Variants in PTGFRN observed in about 807,000 individuals in gnomAD.
The protein encoded by PTGFRN is prostaglandin F2 receptor inhibitor, also known as prostaglandin F2 receptor negative regulator.
In PTGFRN, 35 loss-of-function variants were observed where a neutral mutation model predicts 83.2. The ratio of observed to expected loss-of-function variants is 0.42; its 90% CI spans 0.32 to 0.56. The LOEUF (loss-of-function observed/expected upper bound fraction) is 0.56, where lower values mean the gene tolerates loss of function less well. Among genes scored for constraint, PTGFRN ranks in the 20% least tolerant of loss-of-function variants. PTGFRN has a pLI of 0.11. For missense variants in PTGFRN, 1,051 were observed against 1,179.5 expected, an observed-to-expected ratio of 0.89 and a Z score of 1.60; for synonymous variants, 519 against 498.6, an observed-to-expected ratio of 1.04 and a Z score of -0.55.
chr1:116,981,538 G>A (rs979934307), intron 7 of PTGFRN, among the ~76,000 whole-genome samples: 2 of 152,222 alleles, frequency 1.3e-5, no homozygotes, highest in East Asian at 3.8e-4. Context: ...CCTGAGCAGG[G>A]GACTGGGTAA....
In PTGFRN at chr1:116,990,232, C is replaced by T. The variant is rs1410772340; in HGVS notation, c.*3265C>T. ...AATTTTCCGTAGACAAAGAAAGGAT[C>T]TTGTGTATTTTTGTCCATATCCAAT... On this transcript the variant is annotated 3_prime_UTR_variant, in exon 9 of 9. Coordinates refer to ENST00000393203, the MANE Select transcript of PTGFRN (RefSeq NM_020440.4). 1.3e-5 allele frequency: 2 copies of T among 152,564 alleles called. No homozygotes were observed. Among genetic ancestry groups the T allele is most frequent in the Non-Finnish European group, 2.9e-5 (2 of 68,026 alleles). 9.5% of individuals were successfully genotyped at this position (152,564 alleles called of 1,614,324 possible).
chr1:116,913,166 A>G (rs1649316426), intron 1 of PTGFRN, among the ~76,000 whole-genome samples: 1 of 152,228 alleles, frequency 6.6e-6, no homozygotes, highest in Non-Finnish European at 1.5e-5. Flanking sequence ...ACTGAATGAA[A>G]TACCTGACAT....
intron 3 of PTGFRN, among the ~76,000 whole-genome samples, chr1:116,945,602 C>G (rs1650176927): frequency 6.6e-6 from 1 of 152,112 alleles, no homozygotes; most frequent in Non-Finnish European, 1.5e-5. Context: ...CCTTTCGGTC[C>G]CCTCAGATGT....
chr1:116,976,986 G>A (rs1461341902), intron 7 of PTGFRN, among the ~76,000 whole-genome samples: 4 of 152,216 alleles, frequency 2.6e-5, no homozygotes, highest in East Asian at 3.9e-4. Context: ...CCCATCTCGC[G>A]TGCAGAGACA....
In PTGFRN at chr1:116,984,748, C is replaced by T. The variant is rs1186161518; in HGVS notation, c.2236C>T (p.Leu746=). 4 of 1,614,172 alleles carry T rather than the reference C, an allele frequency of 2.5e-6. No homozygotes were observed. The highest frequency in any genetic ancestry group is 3.4e-6 in the Non-Finnish European group (4 of 1,180,044). ...SFGLDKAPVL[L]SSLDRKGIVT... is the part of the protein sequence containing the mutation. ...TGGCCTGGACAAGGCTCCTGTGCTC[C>T]TGTCTTCCCTGGATCGGAAGGGCAT... is the stretch of plus-strand genomic sequence containing the variant. Residue 746 remains leucine (L), a synonymous_variant, in exon 8 of 9, where the codon CTG becomes TTG. Coordinates refer to ENST00000393203, the MANE Select transcript of PTGFRN (RefSeq NM_020440.4).
chr1:116,969,689 C>T (rs1217747635), intron 6 of PTGFRN, among the ~76,000 whole-genome samples: 2 of 152,300 alleles, frequency 1.3e-5, no homozygotes, highest in East Asian at 1.9e-4. Flanking sequence ...ATTTGGAAAG[C>T]ATTGCCATTT....
At chr1:116,972,031 G>A (rs1161198664) in intron 6 of PTGFRN, among the ~76,000 whole-genome samples, 2 of 152,158 alleles carry the variant, frequency 1.3e-5, no homozygotes, top group African/African-American at 4.8e-5. Context: ...CATGGTTGCT[G>A]CTAACCTGTA....
At chr1:116,979,983 G>A (rs1651265540) in intron 7 of PTGFRN, among the ~76,000 whole-genome samples, 1 of 152,038 alleles carries the variant, frequency 6.6e-6, no homozygotes, top group Non-Finnish European at 1.5e-5. Flanking sequence ...CTGACAAAGG[G>A]CTAATATCCA....
chr1:116,959,495 A>G (rs1014072836), intron 4 of PTGFRN, among the ~76,000 whole-genome samples: 2 of 152,234 alleles, frequency 1.3e-5, no homozygotes, highest in Non-Finnish European at 2.9e-5. Context: ...TTAGAAGTGT[A>G]AATCACAAGA....
intron 7 of PTGFRN, among the ~76,000 whole-genome samples, chr1:116,984,172 A>G (rs1195477974): frequency 3.3e-5 from 5 of 152,196 alleles, no homozygotes; most frequent in Non-Finnish European, 7.4e-5. Flanking sequence ...TTACAACTCT[A>G]AATTTGGTGC....
Position 116,974,342 on chromosome 1 carries a change from A to C in PTGFRN, c.2167+19A>C. The C allele has an allele frequency of 1.3e-6, 2 of 1,518,420 alleles. No homozygotes were observed. Among genetic ancestry groups the C allele is most frequent in the Non-Finnish European group, 1.8e-6 (2 of 1,094,850 alleles). The allele number at this position is 1,518,420 out of a possible 1,614,324, so 94.1% of individuals were successfully genotyped here. On this transcript the variant is annotated intron_variant, in intron 7 of 8. Coordinates refer to ENST00000393203, the MANE Select transcript of PTGFRN (RefSeq NM_020440.4). Reference sequence around the variant, plus strand: ...GATCCAGGTACCTCACTCCATCCTCACCCCTTCACCATGTTGCTTTCTGTA... The same window carrying C: ...GATCCAGGTACCTCACTCCATCCTCCCCCCTTCACCATGTTGCTTTCTGTA...
At chr1:116,986,014 C>G (rs1651468760) in intron 8 of PTGFRN, among the ~76,000 whole-genome samples, 1 of 152,230 alleles carries the variant, frequency 6.6e-6, no homozygotes, top group Admixed American at 6.5e-5. Context: ...GAGTGTTTCC[C>G]TAGTGATCAG....
chr1:116,925,583 C>G (rs1649638248), intron 1 of PTGFRN, among the ~76,000 whole-genome samples: 1 of 152,092 alleles, frequency 6.6e-6, no homozygotes, highest in Non-Finnish European at 1.5e-5. Context: ...TGTAAAGAGC[C>G]TGTGTGTCAC....
chr1:116,910,380 CGGGGTGCGCGGGTTGTTCGGCCCGGCG>C, intron 1 of PTGFRN, 128 bp downstream of exon 1: 1 of 817,382 alleles, frequency 1.2e-6, no homozygotes, highest in Non-Finnish European at 1.6e-6. Flanking sequence ...GAAACCCGGC[CGGGGTGCGCGGGTTGTTCGGCCCGGCG>C]GGGAGCGGCC....
intron 7 of PTGFRN, among the ~76,000 whole-genome samples, chr1:116,979,797 G>A (rs1272124442): frequency 6.6e-6 from 1 of 152,206 alleles, no homozygotes; most frequent in Non-Finnish European, 1.5e-5. Context: ...GTACCATTCA[G>A]GACATAGGCA....
intron 5 of PTGFRN, among the ~76,000 whole-genome samples, chr1:116,966,348 A>T (rs1650830522): frequency 6.6e-6 from 1 of 152,278 alleles, no homozygotes; most frequent in South Asian, 2.1e-4. Context: ...CATACGCTAC[A>T]GTCATTTTAG....
chr1:116,963,001 A>G (rs1036062646), intron 5 of PTGFRN, among the ~76,000 whole-genome samples: 1 of 152,086 alleles, frequency 6.6e-6, no homozygotes, highest in Non-Finnish European at 1.5e-5. Flanking sequence ...CTAAATTCCC[A>G]GTCAGTTTTA....
At chr1:116,921,567 G>A (rs906050603) in intron 1 of PTGFRN, among the ~76,000 whole-genome samples, 10 of 151,518 alleles carry the variant, frequency 6.6e-5, no homozygotes, top group African/African-American at 2.4e-4. Context: ...ACCCTTGAAG[G>A]AATAAATTAT....
intron 6 of PTGFRN, among the ~76,000 whole-genome samples, chr1:116,969,307 T>A (rs573083030): frequency 5.9e-5 from 9 of 152,288 alleles, no homozygotes; most frequent in African/African-American, 1.7e-4. Flanking sequence ...CCAACTTTAT[T>A]ATGTTGCATG....
Sources: gnomAD v4.1 joint callset for allele counts (sites outside exome capture counted in the v4.1 genomes callset) on GRCh38, gnomAD v4.1.1 for gene constraint, MANE v1.5 for transcripts, NCBI Gene and HGNC (gene_info 2026-07-23, HGNC 2026-07-21) for gene names.